The following EIF4G3 variants were observed in gnomAD, a reference collection of about 807,000 sequenced individuals.
EIF4G3 encodes the protein eukaryotic translation initiation factor 4 gamma 3.
Under a neutral mutation model 186.4 loss-of-function variants are expected in EIF4G3, and 34 were observed. The observed-to-expected ratio is 0.18, with a 90% CI of 0.14 to 0.24. EIF4G3 has a LOEUF of 0.24. Ranked by LOEUF, EIF4G3 falls within the 10% of genes least tolerant of loss-of-function variation. The pLI is 1.00. For missense variants in EIF4G3, 1,536 were observed against 1,948.5 expected (o/e 0.79, Z 3.99); for synonymous variants, 673 against 679.5 (o/e 0.99, Z 0.15).
intron 12 of EIF4G3, among the ~76,000 whole-genome samples, chr1:20,956,617 CAAAAAAA>C (rs61623629): frequency 1.8e-4 from 21 of 114,580 alleles, no homozygotes; most frequent in African/African-American, 6.3e-4. Flanking sequence ...GTATAATTTA[CAAAAAAA>C]AAAAAAAAAA....
At chr1:21,114,274 G>A (rs972220442) in intron 2 of EIF4G3, among the ~76,000 whole-genome samples, 7 of 151,964 alleles carry the variant, frequency 4.6e-5, no homozygotes, top group Non-Finnish European at 8.8e-5. Context: ...AGCCTCCCGA[G>A]TAGCTGGGAC....
At chr1:20,942,930 T>C (rs1475245510) in intron 13 of EIF4G3, among the ~76,000 whole-genome samples, 2 of 152,182 alleles carry the variant, frequency 1.3e-5, no homozygotes, top group Non-Finnish European at 2.9e-5. Context: ...CAGTAACTGA[T>C]AAAAATCAGT....
intron 2 of EIF4G3, among the ~76,000 whole-genome samples, chr1:21,116,608 G>T (rs566945969): frequency 6.6e-6 from 1 of 152,006 alleles, no homozygotes; most frequent in South Asian, 2.1e-4. Context: ...GAGGCTGAGG[G>T]GGGTGCGGAT....
chr1:21,166,522 C>T (rs1404104063), intron 2 of EIF4G3, among the ~76,000 whole-genome samples: 2 of 152,148 alleles, frequency 1.3e-5, no homozygotes, highest in East Asian at 3.9e-4. Context: ...GTCAGGAGTC[C>T]GAGGCCAGCC....
intron 12 of EIF4G3, among the ~76,000 whole-genome samples, chr1:20,966,638 G>GT (rs1296437487): frequency 6.6e-6 from 1 of 151,758 alleles, no homozygotes; most frequent in East Asian, 1.9e-4. Context: ...CCCCTGGCTA[G>GT]TTTTTTTGTA....
intron 3 of EIF4G3, among the ~76,000 whole-genome samples, chr1:21,084,395 C>T (rs138213774): frequency 7.7e-4 from 117 of 152,074 alleles, no homozygotes; most frequent in African/African-American, 2.7e-3. Context: ...GGGAGAAGTG[C>T]CACACCTTTG....
At position 20,840,871 on chromosome 1, in the gene EIF4G3, T is replaced by C. The variant is rs556542858; in HGVS notation, c.4046A>G (p.Gln1349Arg). 18 of 1,614,170 alleles carry C rather than the reference T, an allele frequency of 1.1e-5. No individual in the cohort carries two copies. The African/African-American group carries it at 1.3e-4, about 12-fold the overall frequency. ...QLVQSEKLSKQDFFKGFSETL... is the reference protein window; with the variant it reads ...QLVQSEKLSKRDFFKGFSETL... The stretch of plus-strand genomic sequence containing the variant: ...GGATACTGACCCTTTGAAAAAGTCC[T>C]GTTTGCTGAGTTTTTCTGACTGTAC... Residue 1349 changes from glutamine (Q) to arginine (R), a missense_variant, in exon 30 of 37, where the codon CAG becomes CGG. Around this residue, in one of 11 missense-constraint regions of EIF4G3, gnomAD observed 395 missense variants for 498.9 expected, o/e 0.79. Coordinates refer to ENST00000602326, the MANE Select transcript of EIF4G3 (RefSeq NM_001391906.1).
intron 3 of EIF4G3, among the ~76,000 whole-genome samples, chr1:21,060,092 C>T (rs1370347517): frequency 2.0e-5 from 3 of 152,234 alleles, no homozygotes; most frequent in Non-Finnish European, 4.4e-5. Flanking sequence ...GCTGGGACTA[C>T]AGGCATGCAC....
Position 20,941,731 on chromosome 1 carries a change from G to A in EIF4G3, c.1423C>T (p.Pro475Ser), listed in dbSNP as rs2095723166. The change falls in exon 14 of 37, where the codon CCA becomes TCA. Residue 475 changes from proline to serine, a missense_variant. By Grantham distance (74) the Pro-to-Ser change is moderately conservative. Around this residue, in one of 11 missense-constraint regions of EIF4G3, gnomAD observed 560 missense variants for 547.8 expected, o/e 1.02. Coordinates refer to ENST00000602326, the MANE Select transcript of EIF4G3 (RefSeq NM_001391906.1). ...STVPSFPPTP[P>S]TPPASPPHTP... ...TGAGGAGGAGAAGCTGGAGGAGTTG[G>A]AGGAGTTGGAGGAAAGGAAGGAACT... The A allele has an allele frequency of 6.2e-7, 1 of 1,610,562 alleles. No homozygotes were observed.
intron 2 of EIF4G3, among the ~76,000 whole-genome samples, chr1:21,119,473 T>C (rs1285434854): frequency 6.6e-6 from 1 of 152,152 alleles, no homozygotes; most frequent in Non-Finnish European, 1.5e-5. Flanking sequence ...ATGAATAATA[T>C]AGCCCCAAAG....
intron 13 of EIF4G3, among the ~76,000 whole-genome samples, chr1:20,949,741 C>G (rs1215958084): frequency 6.6e-6 from 1 of 152,110 alleles, no homozygotes; most frequent in Non-Finnish European, 1.5e-5. Flanking sequence ...TTTTAAAGGG[C>G]AGTTTAAGGC....
chr1:20,976,737 T>A (rs2076931973), intron 10 of EIF4G3, among the ~76,000 whole-genome samples: 2 of 152,104 alleles, frequency 1.3e-5, no homozygotes, highest in Admixed American at 1.3e-4. Flanking sequence ...GAATTTTCCA[T>A]AGAAACAATA....
At chr1:21,034,685 G>A (rs1050007455) in intron 4 of EIF4G3, among the ~76,000 whole-genome samples, 21 of 152,334 alleles carry the variant, frequency 1.4e-4, no homozygotes, top group African/African-American at 4.3e-4. Flanking sequence ...GGTGGGGTGC[G>A]GCCGCAGGCC....
intron 3 of EIF4G3, among the ~76,000 whole-genome samples, chr1:21,083,749 A>C (rs1239237322): frequency 6.6e-6 from 1 of 152,224 alleles, no homozygotes; most frequent in Non-Finnish European, 1.5e-5. Flanking sequence ...TGTAAACTGC[A>C]TGACAGGCAG....
At chr1:20,904,804 T>G in intron 15 of EIF4G3, 79 bp downstream of exon 15, 4 of 990,708 alleles carry the variant, frequency 4.0e-6, no homozygotes, top group Non-Finnish European at 5.8e-6. Context: ...GAAAACTATT[T>G]CAATAAATAG....
chr1:21,133,866 T>C (rs929448526), intron 2 of EIF4G3, among the ~76,000 whole-genome samples: 6 of 152,194 alleles, frequency 3.9e-5, no homozygotes, highest in Admixed American at 2.6e-4. Context: ...CTAAGTATTG[T>C]CATTCTCATT....
chr1:21,040,239 T>C (rs1229904848), intron 4 of EIF4G3, among the ~76,000 whole-genome samples: 3 of 152,120 alleles, frequency 2.0e-5, no homozygotes, highest in Admixed American at 2.0e-4. Flanking sequence ...TAACCAATCA[T>C]GCACATAATG....
chr1:20,864,431 T>C (rs1557980187), intron 22 of EIF4G3, 45 bp downstream of exon 22: 2 of 1,415,452 alleles, frequency 1.4e-6, no homozygotes, highest in Non-Finnish European at 2.0e-6. Context: ...CTTTTGCAAC[T>C]GACAAGGAGC....
chr1:21,078,251 T>C (rs2100683447), intron 3 of EIF4G3, among the ~76,000 whole-genome samples: 1 of 152,294 alleles, frequency 6.6e-6, no homozygotes, highest in Middle Eastern at 3.4e-3. Context: ...ATAATATAAA[T>C]GTGTCATATA....
Sources: allele counts gnomAD v4.1 joint callset (sites outside exome capture counted in the v4.1 genomes callset), GRCh38; gene constraint gnomAD v4.1.1; regional missense constraint gnomAD v4.1.1; transcripts MANE v1.5; gene names NCBI Gene and HGNC (gene_info 2026-07-23, HGNC 2026-07-21).